Variants in RAB11FIP4 observed in about 807,000 individuals in gnomAD.
RAB11FIP4 encodes rab11 family-interacting protein 4.
Under a neutral mutation model 74.3 loss-of-function variants are expected in RAB11FIP4, and 23 were observed. That is an observed-to-expected ratio of 0.31 (90% CI 0.22 to 0.44). RAB11FIP4 has a LOEUF of 0.44. Ranked by LOEUF, RAB11FIP4 falls within the 20% of genes least tolerant of loss-of-function variation. The probability of loss-of-function intolerance (pLI) is 1.00; values close to 1 mark genes in which losing one functional copy is unlikely to be tolerated. For synonymous variants in RAB11FIP4, 360 were observed against 359.9 expected (o/e 1.00, Z 0.00); for missense variants, 630 against 863.9 (o/e 0.73, Z 3.39).
At chr17:31,446,256 T>C (rs892461967) in intron 3 of RAB11FIP4, among the ~76,000 whole-genome samples, 5 of 152,078 alleles carry the variant, frequency 3.3e-5, no homozygotes, top group African/African-American at 7.2e-5. Flanking sequence ...AAAATGCATA[T>C]TGTTGGCACC....
chr17:31,505,397 A>AT (rs2072298172), intron 3 of RAB11FIP4, among the ~76,000 whole-genome samples: 1 of 117,500 alleles, frequency 8.5e-6, no homozygotes, highest in Non-Finnish European at 1.7e-5. Context: ...CAGTAATAAT[A>AT]ATAATATATA....
intron 3 of RAB11FIP4, among the ~76,000 whole-genome samples, chr17:31,460,011 C>G (rs901784849): frequency 6.6e-6 from 1 of 152,160 alleles, no homozygotes; most frequent in Admixed American, 6.5e-5. Context: ...CTCTCAGGTG[C>G]CTCTTGAGGA....
intron 3 of RAB11FIP4, among the ~76,000 whole-genome samples, chr17:31,474,668 CAA>C (rs3058692): frequency 0.7 from 95,079 of 135,556 alleles, 32,765 homozygotes; most frequent in East Asian, 0.91. Flanking sequence ...GACTCCATCT[CAA>C]AAAAAAAAAA....
chr17:31,428,660 T>G (rs1461475784), intron 1 of RAB11FIP4, among the ~76,000 whole-genome samples: 2 of 151,980 alleles, frequency 1.3e-5, no homozygotes, highest in Admixed American at 6.6e-5. Flanking sequence ...CCTGAAAGAG[T>G]GCCTGGCATG....
At chr17:31,418,818 A>G (rs1188624098) in intron 1 of RAB11FIP4, among the ~76,000 whole-genome samples, 1 of 152,148 alleles carries the variant, frequency 6.6e-6, no homozygotes, top group African/African-American at 2.4e-5. Context: ...TTTACTTTAC[A>G]TACAGTAAAA....
intron 3 of RAB11FIP4, among the ~76,000 whole-genome samples, chr17:31,447,262 CCA>C (rs2071476279): frequency 1.3e-5 from 2 of 152,114 alleles, no homozygotes. Context: ...CCAACCTGGG[CCA>C]CAGAGCGTGA....
At chr17:31,495,366 ATTTTTTTTT>A (rs3058694) in intron 3 of RAB11FIP4, among the ~76,000 whole-genome samples, 38 of 83,170 alleles carry the variant, frequency 4.6e-4, no homozygotes, top group African/African-American at 9.6e-4. Flanking sequence ...CACTTGACTG[ATTTTTTTTT>A]TTTTTTTTTT....
intron 3 of RAB11FIP4, among the ~76,000 whole-genome samples, chr17:31,455,000 G>T (rs74992452): frequency 0.013 from 1,992 of 152,264 alleles, 43 homozygotes; most frequent in African/African-American, 0.046. Context: ...CCAGTCTCTG[G>T]TCTCCTGTCT....
chr17:31,452,891 A>AT (rs2071539221), intron 3 of RAB11FIP4, among the ~76,000 whole-genome samples: 2 of 152,170 alleles, frequency 1.3e-5, no homozygotes, highest in South Asian at 4.1e-4. Context: ...CTCCTGGGGG[A>AT]TGTTGCCCCT....
At chr17:31,521,123 A>AC in intron 4 of RAB11FIP4, 43 bp from the exon 5 acceptor site, 2 of 1,429,092 alleles carry the variant, frequency 1.4e-6, no homozygotes, top group African/African-American at 2.9e-5. Flanking sequence ...GTGGCTGGGG[A>AC]CCCATGAGTC....
At chr17:31,516,699 A>C (rs1389860618) in intron 3 of RAB11FIP4, among the ~76,000 whole-genome samples, 2 of 152,108 alleles carry the variant, frequency 1.3e-5, no homozygotes, top group Admixed American at 1.3e-4. Flanking sequence ...TGATCTCCTG[A>C]CCTCGTGATC....
chr17:31,459,886 G>A (rs117281023), intron 3 of RAB11FIP4, among the ~76,000 whole-genome samples: 541 of 152,252 alleles, frequency 3.6e-3, no homozygotes, highest in Non-Finnish European at 5.3e-3. Flanking sequence ...TTACCCTCCT[G>A]GGGTCCCAGG....
intron 3 of RAB11FIP4, among the ~76,000 whole-genome samples, chr17:31,506,540 C>T (rs1053916285): frequency 6.6e-6 from 1 of 152,202 alleles, no homozygotes; most frequent in Non-Finnish European, 1.5e-5. Flanking sequence ...CCCCGTCCTC[C>T]CTTCTCCTAC....
intron 3 of RAB11FIP4, among the ~76,000 whole-genome samples, chr17:31,443,613 A>G (rs1597919612): frequency 1.8e-5 from 2 of 110,204 alleles, no homozygotes; most frequent in East Asian, 2.7e-4. Context: ...CCCTGATGGC[A>G]AAGGAAGTGA....
At chr17:31,408,820 AACAG>A (rs1176407387) in intron 1 of RAB11FIP4, among the ~76,000 whole-genome samples, 1 of 152,168 alleles carries the variant, frequency 6.6e-6, no homozygotes, top group African/African-American at 2.4e-5. Flanking sequence ...CAGTGGTCTT[AACAG>A]ACAGGGTCCC....
chr17:31,527,563 C>A, intron 10 of RAB11FIP4: 1 of 343,434 alleles, frequency 2.9e-6, no homozygotes, highest in Non-Finnish European at 5.3e-6. Context: ...CACCTCACTC[C>A]AGCCTGGGCA....
In RAB11FIP4 at chr17:31,535,039, T is replaced by C. The variant is rs983746286; in HGVS notation, c.*3307T>C. The C allele has an allele frequency of 6.5e-6, 1 of 153,044 alleles. No individual in the cohort carries two copies. Among genetic ancestry groups the C allele is most frequent in the African/African-American group, 2.4e-5 (1 of 41,446 alleles). 9.5% of individuals were successfully genotyped at this position (153,044 alleles called of 1,614,324 possible). Reference sequence around the variant, plus strand: ...TTAGCTTTGAATTGGCCAGAGTTTATCCTAGATTATTTTATTTTAAATTGG... The same window carrying C: ...TTAGCTTTGAATTGGCCAGAGTTTACCCTAGATTATTTTATTTTAAATTGG... On this transcript the variant is annotated 3_prime_UTR_variant, in exon 15 of 15. Coordinates refer to ENST00000621161, the MANE Select transcript of RAB11FIP4 (RefSeq NM_032932.6).
chr17:31,428,984 T>G lies in RAB11FIP4; in HGVS notation c.160-2829T>G, dbSNP rs1053689279. Among the ~76,000 whole-genome samples, 106 of 152,154 alleles carry G rather than the reference T, an allele frequency of 7.0e-4. 1 individual carries two copies. The highest frequency in any genetic ancestry group is 7.2e-4 in the Non-Finnish European group (49 of 68,012). On this transcript the variant is annotated intron_variant, in intron 1 of 14. Coordinates refer to ENST00000621161, the MANE Select transcript of RAB11FIP4 (RefSeq NM_032932.6). ...TTATTATGATGATGATGATGATTAT[T>G]ATTATTATTTGAGACGGAGTTTCAC...
intron 3 of RAB11FIP4, among the ~76,000 whole-genome samples, chr17:31,437,855 AC>A (rs2071374245): frequency 6.6e-6 from 1 of 151,932 alleles, no homozygotes; most frequent in Non-Finnish European, 1.5e-5. Flanking sequence ...TGCTGTCCAG[AC>A]CTCAGGCCAG....
Sources: gnomAD v4.1 joint callset for allele counts (sites outside exome capture counted in the v4.1 genomes callset) on GRCh38, gnomAD v4.1.1 for gene constraint, MANE v1.5 for transcripts, NCBI Gene and HGNC (gene_info 2026-07-23, HGNC 2026-07-21) for gene names.